GRM7: variants seen among roughly 807,000 people sequenced by gnomAD.
The protein encoded by GRM7 is metabotropic glutamate receptor 7.
GRM7 carries 35 observed loss-of-function variants against 84.5 expected under a neutral mutation model. The observed-to-expected ratio is 0.41, with a 90% CI of 0.32 to 0.55. GRM7 has a LOEUF of 0.55. Ranked by LOEUF, GRM7 falls within the 20% of genes least tolerant of loss-of-function variation. The pLI is 0.19. For synonymous variants in GRM7, 487 were observed against 455.1 expected, an observed-to-expected ratio of 1.07 and a Z score of -0.89; for missense variants, 1,003 against 1,194.6, an observed-to-expected ratio of 0.84 and a Z score of 2.36.
Position 7,298,777 on chromosome 3 carries a change from C to T in GRM7, c.830C>T (p.Thr277Ile), listed in dbSNP as rs1699899625. The change falls in exon 3 of 10, where the codon ACC becomes ATC. Residue 277 changes from threonine (T) to isoleucine (I), a missense_variant. By Grantham distance (89) the Thr-to-Ile change is moderately conservative. This residue lies in a region of GRM7 where 910 missense variants were observed against 1,126.0 expected (regional missense o/e 0.81). Transcript: ENST00000357716. ...FDRIIKQLLD[T>I]PNSRAVVIFA... is the part of the protein sequence containing the mutation. ...AGAATTATCAAACAGCTCCTGGACA[C>T]CCCCAACTCCAGGGCCGTCGTGATT... 1 of 1,613,040 alleles carries T rather than the reference C, an allele frequency of 6.2e-7. No individual in the cohort carries two copies. Among genetic ancestry groups the T allele is most frequent in the African/African-American group, 1.3e-5 (1 of 74,858 alleles).
chr3:7,023,934 T>C (rs1290739082), intron 1 of GRM7, among the ~76,000 whole-genome samples: 2 of 152,108 alleles, frequency 1.3e-5, no homozygotes, highest in Non-Finnish European at 2.9e-5. Context: ...AGAGAATGCG[T>C]GATGCTAATG....
chr3:7,495,826 C>G (rs973118537), intron 7 of GRM7, among the ~76,000 whole-genome samples: 1 of 152,170 alleles, frequency 6.6e-6, no homozygotes, highest in African/African-American at 2.4e-5. Context: ...GTAGCCTGCC[C>G]TTTGGCTGTT....
chr3:7,305,330 C>CTT (rs796779715), intron 3 of GRM7, among the ~76,000 whole-genome samples: 4,577 of 86,858 alleles, frequency 0.053, 699 homozygotes, highest in South Asian at 0.08. Context: ...TATGCTGCTG[C>CTT]TTTTTTTTTT....
intron 1 of GRM7, among the ~76,000 whole-genome samples, chr3:7,085,351 A>T (rs1698417441): frequency 6.6e-6 from 1 of 152,164 alleles, no homozygotes. Flanking sequence ...AAAGAATCAA[A>T]ATGTTCTTTA....
chr3:7,005,940 G>C (rs549790019), intron 1 of GRM7, among the ~76,000 whole-genome samples: 8 of 152,274 alleles, frequency 5.3e-5, no homozygotes, highest in Admixed American at 4.6e-4. Context: ...AGACTGGCCA[G>C]AACTGTGTCA....
intron 1 of GRM7, among the ~76,000 whole-genome samples, chr3:6,934,669 G>T (rs192176300): frequency 6.6e-6 from 1 of 152,266 alleles, no homozygotes; most frequent in Admixed American, 6.5e-5. Context: ...TGACTCGGTT[G>T]TTGTGGTGCA....
chr3:7,325,172 G>A (rs942575749), intron 4 of GRM7, among the ~76,000 whole-genome samples: 4 of 152,168 alleles, frequency 2.6e-5, no homozygotes, highest in Non-Finnish European at 4.4e-5. Context: ...AGAGGTTTCA[G>A]GGGATTCTGG....
chr3:7,473,521 A>AGAGAGAGG, intron 7 of GRM7, among the ~76,000 whole-genome samples: 1 of 151,858 alleles, frequency 6.6e-6, no homozygotes, highest in East Asian at 2.0e-4. Flanking sequence ...AGAGAGAGAG[A>AGAGAGAGG]GAGAGAGAGA....
At chr3:7,555,329 C>T (rs545695521) in intron 7 of GRM7, among the ~76,000 whole-genome samples, 1 of 152,126 alleles carries the variant, frequency 6.6e-6, no homozygotes, top group East Asian at 1.9e-4. Flanking sequence ...GTTACTATTC[C>T]CCACAAGCCA....
intron 7 of GRM7, among the ~76,000 whole-genome samples, chr3:7,563,342 T>C (rs1030831750): frequency 8.5e-5 from 13 of 152,154 alleles, no homozygotes; most frequent in African/African-American, 3.1e-4. Context: ...TCCTTTTATA[T>C]CCTAATCCTA....
chr3:7,197,698 AG>A (rs938291889), intron 2 of GRM7, among the ~76,000 whole-genome samples: 1 of 119,366 alleles, frequency 8.4e-6, no homozygotes, highest in African/African-American at 4.8e-5. Context: ...TTTTACGACA[AG>A]TTTTTTTTTT....
chr3:7,494,110 A>G (rs1699617232), intron 7 of GRM7, among the ~76,000 whole-genome samples: 1 of 152,162 alleles, frequency 6.6e-6, no homozygotes, highest in African/African-American at 2.4e-5. Flanking sequence ...CTGATGCTCC[A>G]AGATTCCTTC....
Position 7,609,149 on chromosome 3 carries a change from T to G in GRM7, c.2451+29792T>G, listed in dbSNP as rs377110664. Among the ~76,000 whole-genome samples, 4 of 152,156 alleles carry G rather than the reference T, an allele frequency of 2.6e-5. No individual in the cohort carries two copies. In the East Asian group the frequency reaches 5.8e-4, roughly 22 times the overall value. On this transcript the variant is annotated intron_variant, in intron 8 of 9. Coordinates refer to ENST00000357716, the MANE Select transcript of GRM7 (RefSeq NM_000844.4). ...ATACACTTAACTTTCTACTGCTGCA[T>G]GCATCCCTCATACAACTCCTCAAAG... is the stretch of plus-strand genomic sequence containing the variant.
At chr3:7,692,642 C>G (rs1700850632) in intron 9 of GRM7, among the ~76,000 whole-genome samples, 1 of 152,142 alleles carries the variant, frequency 6.6e-6, no homozygotes, top group African/African-American at 2.4e-5. Flanking sequence ...ATGTACTCAA[C>G]TATCCATTGA....
At chr3:7,226,811 C>G (rs377103603) in intron 2 of GRM7, among the ~76,000 whole-genome samples, 1 of 152,112 alleles carries the variant, frequency 6.6e-6, no homozygotes, top group Non-Finnish European at 1.5e-5. Flanking sequence ...ACTCCATAGT[C>G]GGCTCCTGGG....
At chr3:7,298,578 G>A (rs1699891357) in intron 2 of GRM7, 106 bp from the exon 3 acceptor site, 4 of 879,570 alleles carry the variant, frequency 4.5e-6, no homozygotes, top group Non-Finnish European at 7.3e-6. Context: ...CATCAAGGAA[G>A]TATTGCATAT....
chr3:7,693,601 A>G lies in GRM7; in HGVS notation c.2698+13306A>G, dbSNP rs369918218. 1.1e-3 allele frequency: 1,578 copies of G among 1,396,514 alleles called. 26 individuals carry two copies. In the South Asian group the frequency reaches 0.018, roughly 16 times the overall value. 86.5% of individuals were successfully genotyped at this position (1,396,514 alleles called of 1,614,324 possible). A position where few individuals can be genotyped will look rare whatever the true frequency, so the allele number is the denominator to read the frequency against. Reference sequence around the variant, plus strand: ...AATTTCCTGTGGTTTGCCAAAGTCCAGACTGAGACTTGAGCTGTTGTTTTT... The same window carrying G: ...AATTTCCTGTGGTTTGCCAAAGTCCGGACTGAGACTTGAGCTGTTGTTTTT... On this transcript the variant is annotated intron_variant, in intron 9 of 9. Coordinates refer to ENST00000357716, the MANE Select transcript of GRM7 (RefSeq NM_000844.4).
intron 8 of GRM7, among the ~76,000 whole-genome samples, chr3:7,644,409 G>A (rs907672618): frequency 2.7e-4 from 41 of 152,216 alleles, no homozygotes; most frequent in African/African-American, 9.6e-4. Flanking sequence ...TAGTTTTAAC[G>A]GCACAGGCCT....
At chr3:7,640,745 T>C (rs2125104483) in intron 8 of GRM7, among the ~76,000 whole-genome samples, 1 of 152,340 alleles carries the variant, frequency 6.6e-6, no homozygotes, top group South Asian at 2.1e-4. Context: ...CTTGGAAAAC[T>C]ATAAAAATTA....
Sources: allele counts gnomAD v4.1 joint callset (sites outside exome capture counted in the v4.1 genomes callset), GRCh38; gene constraint gnomAD v4.1.1; regional missense constraint gnomAD v4.1.1; transcripts MANE v1.5; gene names NCBI Gene and HGNC (gene_info 2026-07-23, HGNC 2026-07-21).